NCKAP5: variants seen among roughly 807,000 people sequenced by gnomAD.
NCKAP5 encodes NCK associated protein 5.
NCKAP5 carries 92 observed loss-of-function variants against 167.0 expected under a neutral mutation model. The ratio of observed to expected loss-of-function variants is 0.55; its 90% confidence interval spans 0.47 to 0.66. The LOEUF is 0.66. NCKAP5 is among the 30% of genes least tolerant of loss of function. The pLI, the probability that NCKAP5 is intolerant of heterozygous loss-of-function variation, is 0.00. For synonymous variants in NCKAP5, 891 were observed against 877.4 expected, an observed-to-expected ratio of 1.02 and a Z score of -0.27; for missense variants, 2,378 against 2,315.0, an observed-to-expected ratio of 1.03 and a Z score of -0.56.
At chr2:133,046,860 G>A (rs1258395316) in intron 6 of NCKAP5, among the ~76,000 whole-genome samples, 3 of 152,206 alleles carry the variant, frequency 2.0e-5, no homozygotes, top group African/African-American at 7.2e-5. Flanking sequence ...AGAAACATAA[G>A]GGGTCGAGAG....
intron 3 of NCKAP5, among the ~76,000 whole-genome samples, chr2:133,473,271 G>A (rs1679522812): frequency 6.6e-6 from 1 of 152,072 alleles, no homozygotes; most frequent in Non-Finnish European, 1.5e-5. Flanking sequence ...GTCAGAGGTT[G>A]CAGTGAGCCG....
intron 3 of NCKAP5, among the ~76,000 whole-genome samples, chr2:133,371,598 T>G (rs1685808177): frequency 6.6e-6 from 1 of 152,234 alleles, no homozygotes; most frequent in Non-Finnish European, 1.5e-5. Context: ...TATAAATATT[T>G]CTTCAACTCT....
chr2:132,987,179 G>A (rs953630317), intron 7 of NCKAP5, among the ~76,000 whole-genome samples: 1 of 152,174 alleles, frequency 6.6e-6, no homozygotes. Context: ...TCCTCCACTG[G>A]CTCTGGGTGT....
the NCKAP5 span, among the ~76,000 whole-genome samples, chr2:133,640,961 C>T: frequency 6.6e-6 from 1 of 152,216 alleles, no homozygotes; most frequent in Non-Finnish European, 1.5e-5. Flanking sequence ...GCAAATAACT[C>T]TCCCCTTTTC....
chr2:133,128,626 C>A (rs1574113981), intron 6 of NCKAP5, among the ~76,000 whole-genome samples: 2 of 150,458 alleles, frequency 1.3e-5, no homozygotes, highest in African/African-American at 2.5e-5. Flanking sequence ...GTAATGGAAT[C>A]TTGCTTTGTT....
In NCKAP5 at chr2:133,265,934, G is replaced by T. The variant is rs1364356018; in HGVS notation, c.143+37103C>A. Among the ~76,000 whole-genome samples, 4 of 152,334 alleles carry T rather than the reference G, an allele frequency of 2.6e-5. No homozygotes were observed. The East Asian group carries it at 7.7e-4, about 29-fold the overall frequency. On this transcript the variant is annotated intron_variant, in intron 4 of 19. Coordinates refer to ENST00000409261, the MANE Select transcript of NCKAP5 (RefSeq NM_207363.3). ...GAGTCAAGGCCAAGCGACAGGAGAGGCGCTGGCCCTCTGCTTGGGAGGACC... is the reference window on the plus strand; with the variant it reads ...GAGTCAAGGCCAAGCGACAGGAGAGTCGCTGGCCCTCTGCTTGGGAGGACC...
intron 1 of NCKAP5, among the ~76,000 whole-genome samples, chr2:133,567,693 G>GTGTGTA (rs1688659923): frequency 6.8e-6 from 1 of 146,092 alleles, no homozygotes; most frequent in South Asian, 2.1e-4. Context: ...GTGTGTGTGT[G>GTGTGTA]TGTGTGTTTG....
Position 133,517,549 on chromosome 2 carries a change from T to C in NCKAP5, c.-23A>G. 2 of 1,475,502 alleles carry C rather than the reference T, an allele frequency of 1.4e-6. No homozygotes were observed. The highest frequency in any genetic ancestry group is 1.8e-6 in the Non-Finnish European group (2 of 1,096,930). 91.4% of individuals were successfully genotyped at this position (1,475,502 alleles called of 1,614,324 possible). Reference sequence around the variant, plus strand: ...CATGGATGAAGTTATTTATTTTCTTTTGTGACTTATAAGAATCCCCCGTCT... The same window carrying C: ...CATGGATGAAGTTATTTATTTTCTTCTGTGACTTATAAGAATCCCCCGTCT... On this transcript the variant is annotated 5_prime_UTR_variant, in exon 3 of 20. Transcript: ENST00000409261.
At chr2:132,790,226 T>C (rs1558782492) in intron 12 of NCKAP5, 21 bp from the exon 13 acceptor site, 2 of 1,601,920 alleles carry the variant, frequency 1.2e-6, no homozygotes, top group Non-Finnish European at 1.7e-6. Flanking sequence ...AGGACAGCTC[T>C]GAGCAAGGGC....
At chr2:132,954,685 C>T (rs1574757812) in intron 8 of NCKAP5, 1 of 451,796 alleles carries the variant, frequency 2.2e-6, no homozygotes. Context: ...TTCATATATC[C>T]TAATTTGATT....
At chr2:132,748,604 G>C (rs538150365) in intron 16 of NCKAP5, among the ~76,000 whole-genome samples, 1 of 152,282 alleles carries the variant, frequency 6.6e-6, no homozygotes, top group Non-Finnish European at 1.5e-5. Context: ...ACCAAGTCCA[G>C]AGCTCTTTGC....
intron 5 of NCKAP5, among the ~76,000 whole-genome samples, chr2:133,154,156 G>C (rs1455958027): frequency 1.3e-5 from 2 of 152,038 alleles, no homozygotes; most frequent in African/African-American, 4.8e-5. Flanking sequence ...CCTCCTTCTT[G>C]AAACTCTTTA....
chr2:132,869,040 T>C (rs181220304), intron 9 of NCKAP5, 66 bp from the exon 10 acceptor site: 30 of 1,182,380 alleles, frequency 2.5e-5, no homozygotes, highest in Non-Finnish European at 3.4e-5. Flanking sequence ...GACTCTAATT[T>C]ACCAATAAGT....
intron 19 of NCKAP5, among the ~76,000 whole-genome samples, chr2:132,706,955 T>C (rs1044098581): frequency 6.6e-6 from 1 of 152,200 alleles, no homozygotes; most frequent in Non-Finnish European, 1.5e-5. Context: ...AAGCTGGAGA[T>C]GAAGCAAGAT....
At chr2:133,560,321 T>C (rs1688067036) in intron 1 of NCKAP5, among the ~76,000 whole-genome samples, 1 of 152,224 alleles carries the variant, frequency 6.6e-6, no homozygotes, top group South Asian at 2.1e-4. Flanking sequence ...TTCTAGGTCC[T>C]AAGGTTACAA....
chr2:132,931,499 G>C (rs1446233081), intron 8 of NCKAP5: 2 of 152,096 alleles, frequency 1.3e-5, no homozygotes, highest in Non-Finnish European at 2.9e-5. Context: ...ATTTAACCTG[G>C]GTGAAGCTTT....
intron 2 of NCKAP5, among the ~76,000 whole-genome samples, chr2:133,546,289 A>G (rs1038489659): frequency 6.6e-6 from 1 of 152,226 alleles, no homozygotes; most frequent in Admixed American, 6.5e-5. Context: ...AGAAAGAGTC[A>G]GGAAACTCAT....
chr2:132,782,938 G>T lies in NCKAP5; in HGVS notation c.3873C>A (p.Ile1291=). The change falls in exon 14 of 20, where the codon ATC becomes ATA. Residue 1291 remains isoleucine, a synonymous_variant. Coordinates refer to ENST00000409261, the MANE Select transcript of NCKAP5 (RefSeq NM_207363.3). ...GAGTGCGGACTTTGCCTGACCCTTC[G>T]ATGGGGGGCGTAGAAGGCTTGTCTC... ...HSGDKPSTPP[I]EGSGKVRTQI... is the part of the protein sequence containing the mutation. 6.2e-7 allele frequency: 1 copy of T among 1,614,006 alleles called. No individual in the cohort carries two copies. Among genetic ancestry groups the T allele is most frequent in the Non-Finnish European group, 8.5e-7 (1 of 1,179,892 alleles).
chr2:133,336,643 A>G (rs1683225709), intron 3 of NCKAP5, among the ~76,000 whole-genome samples: 1 of 152,232 alleles, frequency 6.6e-6, no homozygotes, highest in Non-Finnish European at 1.5e-5. Context: ...AATGAAAGGA[A>G]GAACCAAATT....
Sources: allele counts gnomAD v4.1 joint callset (sites outside exome capture counted in the v4.1 genomes callset), GRCh38; gene constraint gnomAD v4.1.1; transcripts MANE v1.5; gene names NCBI Gene and HGNC (gene_info 2026-07-23, HGNC 2026-07-21).